The following WAC variants were observed in gnomAD, a reference collection of about 807,000 sequenced individuals.
WAC encodes WW domain containing adaptor with coiled-coil.
In WAC, 11 loss-of-function variants were observed where a neutral mutation model predicts 79.6. That is an observed-to-expected ratio of 0.14 (90% CI 0.09 to 0.23). The LOEUF is 0.23. WAC is among the 10% of genes least tolerant of loss of function. The pLI is 1.00. For synonymous variants in WAC, 304 were observed against 276.9 expected (o/e 1.10, Z -0.97); for missense variants, 728 against 773.5 (o/e 0.94, Z 0.70).
intron 6 of WAC, among the ~76,000 whole-genome samples, chr10:28,592,165 G>A (rs1242185525): frequency 1.3e-5 from 2 of 152,122 alleles, no homozygotes; most frequent in Non-Finnish European, 2.9e-5. Flanking sequence ...ATTGAATTTT[G>A]AGATGGAAGA....
intron 6 of WAC, among the ~76,000 whole-genome samples, chr10:28,593,919 TA>T (rs1840225394): frequency 1.3e-5 from 2 of 152,158 alleles, no homozygotes; most frequent in Admixed American, 1.3e-4. Flanking sequence ...ACAGAAGCAC[TA>T]ATGACACTTT....
intron 7 of WAC, among the ~76,000 whole-genome samples, chr10:28,605,099 T>C (rs1840875086): frequency 6.6e-6 from 1 of 152,256 alleles, no homozygotes; most frequent in Non-Finnish European, 1.5e-5. Context: ...AAAAAAAGTG[T>C]AAATATAGCA....
chr10:28,541,414 T>G (rs1837019537), intron 3 of WAC, among the ~76,000 whole-genome samples: 1 of 67,030 alleles, frequency 1.5e-5, no homozygotes, highest in African/African-American at 5.4e-5. Context: ...TGTGTGTGTG[T>G]GTTTTGTTTT....
At chr10:28,611,602 G>A (rs1458492921) in intron 9 of WAC, 172 bp from the exon 10 acceptor site, 22 of 1,224,624 alleles carry the variant, frequency 1.8e-5, no homozygotes, top group Non-Finnish European at 2.2e-6. Flanking sequence ...TAGTCAGTGT[G>A]GCCCAGTGAG....
intron 6 of WAC, among the ~76,000 whole-genome samples, chr10:28,593,673 C>T (rs1323843668): frequency 1.3e-5 from 2 of 150,706 alleles, no homozygotes; most frequent in South Asian, 2.1e-4. Context: ...GAGGCTGAGG[C>T]AGGCAGAGGT....
At chr10:28,613,406 A>T (rs573079469) in intron 10 of WAC, among the ~76,000 whole-genome samples, 1 of 152,160 alleles carries the variant, frequency 6.6e-6, no homozygotes, top group Non-Finnish European at 1.5e-5. Context: ...CAGGAGGCTG[A>T]GGTAGGAGAA....
At chr10:28,566,952 G>GTTT (rs35250089) in intron 3 of WAC, among the ~76,000 whole-genome samples, 95 of 136,368 alleles carry the variant, frequency 7.0e-4, no homozygotes, top group Middle Eastern at 8.7e-3. Flanking sequence ...TGTCCTCCCT[G>GTTT]TTTTTTTTTT....
intron 3 of WAC, among the ~76,000 whole-genome samples, chr10:28,577,690 A>G (rs1839316811): frequency 1.3e-5 from 2 of 152,190 alleles, no homozygotes; most frequent in South Asian, 4.1e-4. Context: ...TGTAGAGTAT[A>G]ATAATCTCTG....
chr10:28,597,743 T>G (rs1365448941), intron 7 of WAC, among the ~76,000 whole-genome samples: 1 of 152,184 alleles, frequency 6.6e-6, no homozygotes, highest in Non-Finnish European at 1.5e-5. Context: ...TTCCCACAAT[T>G]TATTCTTAGA....
At chr10:28,573,091 C>T (rs1205485054) in intron 3 of WAC, among the ~76,000 whole-genome samples, 1 of 146,010 alleles carries the variant, frequency 6.8e-6, no homozygotes, top group East Asian at 2.1e-4. Context: ...GACCAGCCAT[C>T]TCTTTTAAAA....
chr10:28,563,234 A>AT (rs747304502), intron 3 of WAC, among the ~76,000 whole-genome samples: 91 of 152,110 alleles, frequency 6.0e-4, no homozygotes, highest in Non-Finnish European at 1.2e-3. Context: ...TTTTCAAGTA[A>AT]TTTGATTCTT....
chr10:28,565,283 T>C (rs1319643971), intron 3 of WAC, among the ~76,000 whole-genome samples: 3 of 152,222 alleles, frequency 2.0e-5, no homozygotes, highest in African/African-American at 7.2e-5. Flanking sequence ...ATGTACAGAT[T>C]CTTGTGTGAA....
At chr10:28,533,672 G>C (rs1162484084) in intron 1 of WAC, 52 bp downstream of exon 1, 4 of 1,516,550 alleles carry the variant, frequency 2.6e-6, no homozygotes, top group Non-Finnish European at 3.6e-6. Context: ...CGGCGGCGGG[G>C]GGGCTGTTCC....
chr10:28,562,063 ATTTTCT>A (rs1838325398), intron 3 of WAC, among the ~76,000 whole-genome samples: 1 of 151,888 alleles, frequency 6.6e-6, no homozygotes. Context: ...TTTCTAATAG[ATTTTCT>A]TTTTGAGATG....
intron 13 of WAC, among the ~76,000 whole-genome samples, chr10:28,618,570 T>C (rs964900687): frequency 1.3e-5 from 2 of 152,248 alleles, no homozygotes; most frequent in Non-Finnish European, 2.9e-5. Context: ...CATTCGACTT[T>C]TGGGAAATTA....
intron 3 of WAC, among the ~76,000 whole-genome samples, chr10:28,567,464 T>G (rs1251123521): frequency 2.0e-5 from 3 of 152,192 alleles, no homozygotes; most frequent in Non-Finnish European, 4.4e-5. Flanking sequence ...GGCATTTATT[T>G]GGAAGAGAGT....
intron 3 of WAC, 65 bp downstream of exon 3, chr10:28,535,822 CAGT>C (rs1836628566): frequency 3.7e-6 from 5 of 1,350,326 alleles, no homozygotes; most frequent in Middle Eastern, 2.0e-4. Flanking sequence ...TAAAAGGCGG[CAGT>C]AGTATTTCTA....
In WAC at chr10:28,585,626, A is replaced by G. The variant is rs1466394179; in HGVS notation, c.381+2121A>G. On this transcript the variant is annotated intron_variant, in intron 4 of 13. Transcript: ENST00000354911. The stretch of plus-strand genomic sequence containing the variant: ...GGGCAAATCATTTTCAGTGAGATGT[A>G]TATTCAGGATTTTAGAATGAATCTG... Among the ~76,000 whole-genome samples the G allele has an allele frequency of 2.6e-5, 4 of 151,052 alleles. No homozygotes were observed. The East Asian group carries it at 7.8e-4, about 29-fold the overall frequency.
chr10:28,610,840 GAT>G lies in WAC; in HGVS notation c.1288+22_1288+23del, dbSNP rs1202308026. The G allele has an allele frequency of 1.9e-6, 3 of 1,579,040 alleles. No homozygotes were observed. The highest frequency in any genetic ancestry group is 1.7e-4 in the Middle Eastern group (1 of 5,948). Reference sequence around the variant, plus strand: ...ACACAAGGTATTCTTACTCATCTTAGATATCTCTAGAATGGCATCTTGATTTT... The same window carrying G: ...ACACAAGGTATTCTTACTCATCTTAGATCTCTAGAATGGCATCTTGATTTT... On this transcript the variant is annotated intron_variant, in intron 9 of 13. Transcript: ENST00000354911.
Sources: allele counts gnomAD v4.1 joint callset (sites outside exome capture counted in the v4.1 genomes callset), GRCh38; gene constraint gnomAD v4.1.1; transcripts MANE v1.5; gene names NCBI Gene and HGNC (gene_info 2026-07-23, HGNC 2026-07-21).